KAZN: variants seen among roughly 807,000 people sequenced by gnomAD.
KAZN encodes kazrin.
Under a neutral mutation model 87.4 loss-of-function variants are expected in KAZN, and 40 were observed. The observed-to-expected ratio is 0.46, with a 90% confidence interval of 0.36 to 0.60. The LOEUF is 0.60. KAZN is among the 20% of genes least tolerant of loss of function. The pLI is 0.00. For missense variants in KAZN, 898 were observed against 1,073.9 expected (o/e 0.84, Z 2.29); for synonymous variants, 466 against 458.3 (o/e 1.02, Z -0.22).
At chr1:14,339,494 G>A (rs1657518548) in intron 2 of KAZN, among the ~76,000 whole-genome samples, 2 of 152,092 alleles carry the variant, frequency 1.3e-5, no homozygotes, top group African/African-American at 4.8e-5. Context: ...TTGATGACAG[G>A]GGCTGACAAG....
intron 1 of KAZN, among the ~76,000 whole-genome samples, chr1:14,765,617 G>A (rs1345910214): frequency 6.6e-6 from 1 of 152,212 alleles, no homozygotes; most frequent in Non-Finnish European, 1.5e-5. Flanking sequence ...AGGGATGTGG[G>A]GCTGGTGCCT....
chr1:14,263,984 T>C (rs1015099198), intron 2 of KAZN, among the ~76,000 whole-genome samples: 2 of 152,242 alleles, frequency 1.3e-5, no homozygotes, highest in African/African-American at 2.4e-5. Context: ...TTATTTTTAA[T>C]ATCTCCCCTG....
At chr1:14,601,292 G>A (rs10399938) in intron 1 of KAZN, among the ~76,000 whole-genome samples, 108,752 of 151,606 alleles carry the variant, frequency 0.72, 39,985 homozygotes, top group Non-Finnish European at 0.81. Flanking sequence ...ATTGTTGGCC[G>A]CATAACCGTC....
intron 2 of KAZN, among the ~76,000 whole-genome samples, chr1:14,975,807 G>A (rs1030878151): frequency 5.3e-5 from 8 of 152,200 alleles, no homozygotes; most frequent in South Asian, 4.1e-4. Flanking sequence ...CGAGATGGGC[G>A]GATCATGAGG....
chr1:14,088,580 T>C (rs1643904108), intron 1 of KAZN, among the ~76,000 whole-genome samples: 1 of 151,982 alleles, frequency 6.6e-6, no homozygotes, highest in Admixed American at 6.6e-5. Flanking sequence ...AAATATTCCA[T>C]GTTCACTTCA....
intron 8 of KAZN, among the ~76,000 whole-genome samples, chr1:15,085,905 T>C (rs1640230227): frequency 6.6e-6 from 1 of 152,292 alleles, no homozygotes; most frequent in East Asian, 1.9e-4. Flanking sequence ...AATTATATCA[T>C]TCAGAATAAA....
At chr1:14,299,806 A>C (rs779979651) in intron 2 of KAZN, among the ~76,000 whole-genome samples, 2 of 152,226 alleles carry the variant, frequency 1.3e-5, no homozygotes, top group African/African-American at 4.8e-5. Context: ...ACATTTACTA[A>C]AGTTCATTAG....
intron 1 of KAZN, among the ~76,000 whole-genome samples, chr1:14,676,396 A>G (rs945497363): frequency 2.7e-5 from 4 of 147,522 alleles, no homozygotes; most frequent in African/African-American, 1.0e-4. Flanking sequence ...TAGCCAGCTA[A>G]GCAGCCTTAC....
intron 1 of KAZN, among the ~76,000 whole-genome samples, chr1:13,962,959 G>A (rs888874226): frequency 7.2e-5 from 11 of 152,180 alleles, no homozygotes; most frequent in African/African-American, 2.7e-4. Context: ...GTGAATGGAG[G>A]ATTTGGGGGT....
At chr1:14,191,386 T>C (rs1646416693) in intron 2 of KAZN, among the ~76,000 whole-genome samples, 1 of 152,124 alleles carries the variant, frequency 6.6e-6, no homozygotes, top group Non-Finnish European at 1.5e-5. Flanking sequence ...GGGTCTAGGA[T>C]GAGCCTCAGA....
intron 1 of KAZN, among the ~76,000 whole-genome samples, chr1:14,709,107 G>T (rs1226133888): frequency 6.6e-6 from 1 of 152,108 alleles, no homozygotes; most frequent in Non-Finnish European, 1.5e-5. Context: ...ACCTGCGTCT[G>T]CTCACTGCAT....
intron 1 of KAZN, among the ~76,000 whole-genome samples, chr1:13,914,798 T>C (rs1173658417): frequency 6.6e-6 from 1 of 152,148 alleles, no homozygotes; most frequent in African/African-American, 2.4e-5. Context: ...AGAGTGAACT[T>C]GAATGGCAGG....
intron 8 of KAZN, among the ~76,000 whole-genome samples, chr1:15,092,060 G>GTTTTTTTTTTTTTGTTTTTTTTTTTTTTT (rs57460680): frequency 5.2e-5 from 6 of 114,426 alleles, no homozygotes; most frequent in African/African-American, 1.3e-4. Context: ...TTGTTTTTTT[G>GTTTTTTTTTTTTTGTTTTTTTTTTTTTTT]TTTTTTTTTT....
At chr1:14,126,355 C>CA (rs1319734004) in intron 1 of KAZN, among the ~76,000 whole-genome samples, 37 of 18,106 alleles carry the variant, frequency 2.0e-3, no homozygotes, top group South Asian at 8.9e-3. Context: ...CTCTCCCCTC[C>CA]CCCCCCCCGT....
At chr1:14,757,780 G>A (rs1644609475) in intron 1 of KAZN, among the ~76,000 whole-genome samples, 1 of 152,166 alleles carries the variant, frequency 6.6e-6, no homozygotes, top group Non-Finnish European at 1.5e-5. Flanking sequence ...CTTCTCATGG[G>A]AGCACCTTCT....
At chr1:14,635,698 C>G (rs981125505) in intron 1 of KAZN, among the ~76,000 whole-genome samples, 1 of 152,208 alleles carries the variant, frequency 6.6e-6, no homozygotes, top group African/African-American at 2.4e-5. Context: ...TCAGGTATAG[C>G]GATCTGTGTG....
At chr1:14,737,721 G>C (rs1643951829) in intron 1 of KAZN, among the ~76,000 whole-genome samples, 1 of 152,148 alleles carries the variant, frequency 6.6e-6, no homozygotes, top group Admixed American at 6.5e-5. Flanking sequence ...GGTTATTGAT[G>C]GAAATCTGTT....
chr1:14,378,248 T>C (rs1661073054), intron 2 of KAZN, among the ~76,000 whole-genome samples: 1 of 152,188 alleles, frequency 6.6e-6, no homozygotes, highest in Non-Finnish European at 1.5e-5. Flanking sequence ...TAAACTTCAA[T>C]TATTAATTCT....
chr1:14,469,641 C>A (rs1044547627), intron 2 of KAZN, among the ~76,000 whole-genome samples: 1 of 152,086 alleles, frequency 6.6e-6, no homozygotes, highest in African/African-American at 2.4e-5. Context: ...TCCAGGATGG[C>A]AATAATGAAT....
Sources: gnomAD v4.1 joint callset for allele counts (sites outside exome capture counted in the v4.1 genomes callset) on GRCh38, gnomAD v4.1.1 for gene constraint, MANE v1.5 for transcripts, NCBI Gene and HGNC (gene_info 2026-07-23, HGNC 2026-07-21) for gene names.